PDE4D: variants seen among roughly 807,000 people sequenced by gnomAD.
PDE4D encodes the protein 3',5'-cyclic-AMP phosphodiesterase 4D.
In PDE4D, 24 loss-of-function variants were observed where a neutral mutation model predicts 87.4. That is an observed-to-expected ratio of 0.27 (90% CI 0.20 to 0.39). PDE4D has a LOEUF of 0.39. Ranked by LOEUF, PDE4D falls within the 10% of genes least tolerant of loss-of-function variation. The pLI is 1.00. For synonymous variants in PDE4D, 384 were observed against 383.2 expected, an observed-to-expected ratio of 1.00 and a Z score of -0.02; for missense variants, 714 against 1,041.0, an observed-to-expected ratio of 0.69 and a Z score of 4.32.
chr5:59,759,679 A>C (rs1487012735), intron 1 of PDE4D, among the ~76,000 whole-genome samples: 1 of 152,174 alleles, frequency 6.6e-6, no homozygotes, highest in Non-Finnish European at 1.5e-5. Context: ...ATTTCCACAG[A>C]GGGCAACAGC....
At chr5:60,192,741 T>C (rs1347866173) in intron 1 of PDE4D, among the ~76,000 whole-genome samples, 4 of 152,046 alleles carry the variant, frequency 2.6e-5, no homozygotes, top group Non-Finnish European at 5.9e-5. Flanking sequence ...TTAGTAGTTA[T>C]ATTTAGGTAC....
intron 1 of PDE4D, among the ~76,000 whole-genome samples, chr5:59,377,360 T>A (rs1325923619): frequency 6.7e-6 from 1 of 149,700 alleles, no homozygotes; most frequent in African/African-American, 2.5e-5. Context: ...GAGGTTGCAG[T>A]GAGCTGAGAT....
chr5:59,050,305 A>G (rs1217684186), intron 5 of PDE4D, among the ~76,000 whole-genome samples: 1 of 152,136 alleles, frequency 6.6e-6, no homozygotes, highest in Non-Finnish European at 1.5e-5. Context: ...CACACAAAAG[A>G]TTTCCCGAAA....
intron 1 of PDE4D, among the ~76,000 whole-genome samples, chr5:59,420,944 T>C (rs1402223245): frequency 6.6e-6 from 1 of 152,140 alleles, no homozygotes; most frequent in Non-Finnish European, 1.5e-5. Flanking sequence ...AAGGGTGAGT[T>C]AAATAATTTA....
At chr5:59,439,409 C>T (rs1582610217) in intron 1 of PDE4D, among the ~76,000 whole-genome samples, 1 of 150,574 alleles carries the variant, frequency 6.6e-6, no homozygotes, top group East Asian at 1.9e-4. Flanking sequence ...AGCCAAGTGA[C>T]TTTGGGTCAC....
chr5:59,867,379 T>C (rs1020654690), intron 1 of PDE4D, among the ~76,000 whole-genome samples: 1 of 152,058 alleles, frequency 6.6e-6, no homozygotes, highest in African/African-American at 2.4e-5. Context: ...AAAAATAAAA[T>C]TAAAACTGCA....
At chr5:60,500,218 C>G (rs750855509) in intron 1 of PDE4D, among the ~76,000 whole-genome samples, 14 of 152,028 alleles carry the variant, frequency 9.2e-5, no homozygotes, top group Non-Finnish European at 1.8e-4. Flanking sequence ...GAGAAAGGAT[C>G]ACTTGAACCC....
chr5:60,061,467 G>A (rs1455655690), intron 2 of PDE4D, among the ~76,000 whole-genome samples: 2 of 152,126 alleles, frequency 1.3e-5, no homozygotes, highest in Non-Finnish European at 1.5e-5. Context: ...CCATGCTCAT[G>A]GATAGGAAGA....
chr5:59,925,174 C>CAAAAAAAA lies in PDE4D; in HGVS notation c.272+63306_272+63313dup, dbSNP rs71606612. On this transcript the variant is annotated intron_variant, in intron 3 of 16. Transcript: ENST00000502484. ...TGGGCAACAGAGCGAGACTGCATCT[C>CAAAAAAAA]AAAAAAAAAAGAAACAATGAAAGTT... Among the ~76,000 whole-genome samples, 4 of 101,796 alleles carry CAAAAAAAA rather than the reference C, an allele frequency of 3.9e-5. 1 individual carries two copies. The highest frequency in any genetic ancestry group is 9.2e-5 in the Admixed American group (1 of 10,852). The allele number at this position is 101,796 out of a possible 152,430, so 66.8% of individuals were successfully genotyped here.
At chr5:59,379,820 T>C (rs1329735530) in intron 1 of PDE4D, among the ~76,000 whole-genome samples, 3 of 151,858 alleles carry the variant, frequency 2.0e-5, no homozygotes, top group Admixed American at 6.6e-5. Flanking sequence ...AATTAAGAGG[T>C]AGGATTTTAA....
intron 3 of PDE4D, among the ~76,000 whole-genome samples, chr5:59,939,708 C>A (rs1018912963): frequency 4.6e-5 from 7 of 151,986 alleles, no homozygotes; most frequent in African/African-American, 1.4e-4. Flanking sequence ...TGTTTTCAGG[C>A]AGTGGGGAGC....
chr5:59,316,828 C>A (rs1265985074), intron 1 of PDE4D, among the ~76,000 whole-genome samples: 4 of 152,182 alleles, frequency 2.6e-5, no homozygotes. Flanking sequence ...CACGGGACAC[C>A]TGCCTTCTTC....
chr5:59,843,038 C>G (rs1417941585), intron 1 of PDE4D, among the ~76,000 whole-genome samples: 1 of 151,820 alleles, frequency 6.6e-6, no homozygotes, highest in Non-Finnish European at 1.5e-5. Flanking sequence ...ATTTTTTGCT[C>G]ACATTTCACT....
At chr5:60,397,191 A>G (rs761615319) in intron 1 of PDE4D, among the ~76,000 whole-genome samples, 12 of 152,258 alleles carry the variant, frequency 7.9e-5, no homozygotes, top group Non-Finnish European at 1.5e-4. Flanking sequence ...CACACTGTTC[A>G]TGGGAATGTA....
At chr5:60,251,300 C>A (rs1748423961) in intron 1 of PDE4D, among the ~76,000 whole-genome samples, 1 of 151,800 alleles carries the variant, frequency 6.6e-6, no homozygotes, top group Non-Finnish European at 1.5e-5. Flanking sequence ...CAGATTATTT[C>A]ATCACCAGGC....
At chr5:60,476,509 C>G (rs1748336917) in intron 1 of PDE4D, among the ~76,000 whole-genome samples, 1 of 152,198 alleles carries the variant, frequency 6.6e-6, no homozygotes, top group African/African-American at 2.4e-5. Flanking sequence ...CAGACCATGT[C>G]TCTCCCCTGC....
intron 1 of PDE4D, among the ~76,000 whole-genome samples, chr5:59,509,935 T>C (rs1008225251): frequency 1.4e-5 from 2 of 147,664 alleles, no homozygotes; most frequent in African/African-American, 2.4e-5. Flanking sequence ...TACTTTTGAA[T>C]ATAATTATAT....
rs908730589 is a variant in PDE4D, at chr5:59,180,580, C to T, written c.808+15G>A. ...TTCCTAGACACATGAAGAATAAGCTCCAGATCTTTCTTACCTGTTATGGTG... is the reference window on the plus strand; with the variant it reads ...TTCCTAGACACATGAAGAATAAGCTTCAGATCTTTCTTACCTGTTATGGTG... On this transcript the variant is annotated intron_variant, in intron 5 of 14. Coordinates refer to ENST00000340635, the MANE Select transcript of PDE4D (RefSeq NM_001104631.2). 2 of 1,610,642 alleles carry T rather than the reference C, an allele frequency of 1.2e-6. No homozygotes were observed. Among genetic ancestry groups the T allele is most frequent in the African/African-American group, 2.7e-5 (2 of 74,868 alleles).
At chr5:58,994,451 GA>G (rs538644230) in intron 6 of PDE4D, among the ~76,000 whole-genome samples, 223 of 150,430 alleles carry the variant, frequency 1.5e-3, no homozygotes, top group African/African-American at 5.2e-3. Context: ...TTAATATACA[GA>G]AACAATGTAT....
Sources: gnomAD v4.1 joint callset for allele counts (sites outside exome capture counted in the v4.1 genomes callset) on GRCh38, gnomAD v4.1.1 for gene constraint, MANE v1.5 for transcripts, NCBI Gene and HGNC (gene_info 2026-07-23, HGNC 2026-07-21) for gene names.